The following GNPTAB variants were observed in gnomAD, a reference collection of about 807,000 sequenced individuals.
GNPTAB encodes N-acetylglucosamine-1-phosphate transferase subunits alpha and beta.
Under a neutral mutation model 136.6 loss-of-function variants are expected in GNPTAB, and 92 were observed. That is an observed-to-expected ratio of 0.67 (90% CI 0.57 to 0.80). The LOEUF is 0.80. Ranked by LOEUF, GNPTAB falls within the 30% of genes least tolerant of loss-of-function variation. The pLI, the probability that GNPTAB is intolerant of heterozygous loss-of-function variation, is 0.00. For missense variants in GNPTAB, 1,343 were observed against 1,501.8 expected, an observed-to-expected ratio of 0.89 and a Z score of 1.75; for synonymous variants, 512 against 535.1, an observed-to-expected ratio of 0.96 and a Z score of 0.60.
intron 11 of GNPTAB, among the ~76,000 whole-genome samples, chr12:101,766,854 C>A (rs1953102764): frequency 6.6e-6 from 1 of 152,156 alleles, no homozygotes; most frequent in Non-Finnish European, 1.5e-5. Context: ...ACAGGGCTTA[C>A]ATTTGCTCAA....
chr12:101,827,816 CTT>C, intron 1 of GNPTAB, among the ~76,000 whole-genome samples: 1 of 152,022 alleles, frequency 6.6e-6, no homozygotes, highest in Non-Finnish European at 1.5e-5. Context: ...AATACAAAAA[CTT>C]AGTCTAGCGT....
intron 1 of GNPTAB, among the ~76,000 whole-genome samples, chr12:101,824,240 T>C (rs1870955874): frequency 6.6e-6 from 1 of 151,588 alleles, no homozygotes; most frequent in South Asian, 2.1e-4. Flanking sequence ...ACTGAACTGG[T>C]AGAACAGAAG....
chr12:101,765,328 A>AT lies in GNPTAB; in HGVS notation c.1613-25dup, dbSNP rs546802775. ...ATCTAGAGGAAAAAACAGAAACATG[A>AT]TTTTTTTTTTAACTGGGCATTTTTC... On this transcript the variant is annotated intron_variant, in intron 12 of 20. Transcript: ENST00000299314. 6,930 of 1,435,622 alleles carry AT rather than the reference A, an allele frequency of 4.8e-3. 17 individuals carry two copies. Among genetic ancestry groups the AT allele is most frequent in the Non-Finnish European group, 5.7e-3 (5,863 of 1,032,274 alleles). The allele number at this position is 1,435,622 out of a possible 1,614,324, so 88.9% of individuals were successfully genotyped here. A position where few individuals can be genotyped will look rare whatever the true frequency, so the allele number is the denominator to read the frequency against.
At chr12:101,778,210 C>A (rs1393407540) in intron 7 of GNPTAB, 1 of 152,182 alleles carries the variant, frequency 6.6e-6, no homozygotes, top group Non-Finnish European at 1.5e-5. Context: ...TGAGAGCAGT[C>A]CGCACTGGTG....
chr12:101,810,306 G>T (rs142878085), intron 1 of GNPTAB, among the ~76,000 whole-genome samples: 1 of 151,608 alleles, frequency 6.6e-6, no homozygotes, highest in Non-Finnish European at 1.5e-5. Context: ...ACTATTTAGG[G>T]GAGAGGGAGT....
intron 7 of GNPTAB, chr12:101,779,240 A>G (rs1953303274): frequency 6.6e-6 from 1 of 152,224 alleles, no homozygotes; most frequent in Non-Finnish European, 1.5e-5. Flanking sequence ...GGCAGAACTC[A>G]AAGAACATTT....
At chr12:101,802,277 T>C (rs568939248) in intron 1 of GNPTAB, among the ~76,000 whole-genome samples, 6 of 152,020 alleles carry the variant, frequency 3.9e-5, no homozygotes, top group African/African-American at 1.2e-4. Context: ...ATTAAACTTA[T>C]TGACAATTCC....
chr12:101,808,029 G>C (rs1870021973), intron 1 of GNPTAB, among the ~76,000 whole-genome samples: 1 of 152,060 alleles, frequency 6.6e-6, no homozygotes, highest in South Asian at 2.1e-4. Flanking sequence ...AGAAAAATAA[G>C]AAATGCGTAG....
intron 19 of GNPTAB, among the ~76,000 whole-genome samples, chr12:101,749,866 A>G (rs1395586010): frequency 6.6e-6 from 1 of 152,238 alleles, no homozygotes; most frequent in Non-Finnish European, 1.5e-5. Context: ...AGAGGGTATG[A>G]ACTGCAGCTG....
At chr12:101,801,212 A>T (rs1325949327) in intron 1 of GNPTAB, among the ~76,000 whole-genome samples, 1 of 136,118 alleles carries the variant, frequency 7.3e-6, no homozygotes, top group Non-Finnish European at 1.5e-5. Context: ...AGCCTAGGTG[A>T]CAGAACGAGA....
chr12:101,749,981 G>A (rs1162218049), intron 19 of GNPTAB, among the ~76,000 whole-genome samples: 2 of 152,188 alleles, frequency 1.3e-5, no homozygotes, highest in Non-Finnish European at 2.9e-5. Context: ...AAACATGTTG[G>A]CCATTTGAAG....
chr12:101,803,120 T>TA (rs1189140994), intron 1 of GNPTAB, among the ~76,000 whole-genome samples: 1 of 152,148 alleles, frequency 6.6e-6, no homozygotes, highest in Non-Finnish European at 1.5e-5. Context: ...ACTGGCACTT[T>TA]AACATGCCAA....
At position 101,790,042 on chromosome 12, in the gene GNPTAB, C is replaced by T. The variant is rs1173140657; in HGVS notation, c.219G>A (p.Met73Ile). 6.2e-7 allele frequency: 1 copy of T among 1,614,178 alleles called. No individual in the cohort carries two copies. Among genetic ancestry groups the T allele is most frequent in the Non-Finnish European group, 8.5e-7 (1 of 1,180,006 alleles). Residue 73 changes from methionine to isoleucine, a missense_variant, in exon 3 of 21, where the codon ATG becomes ATA. Physicochemically the swap from Met to Ile is conservative, Grantham distance 10. Coordinates refer to ENST00000299314, the MANE Select transcript of GNPTAB (RefSeq NM_024312.5). ...KSFQNRLCLP[M>I]PIDVVYTWVN... is the part of the protein sequence containing the mutation. ...CCCAGGTGTAAACAACGTCAATCGG[C>T]ATGGGCAGACAAAGCCTAGGGCAAA...
At chr12:101,830,533 G>A in intron 1 of GNPTAB, 26 bp downstream of exon 1, 1 of 1,417,004 alleles carries the variant, frequency 7.1e-7, no homozygotes, top group Non-Finnish European at 1.0e-6. Context: ...GAGGCGCCCG[G>A]TCCAGGCTGC....
chr12:101,754,286 G>A (rs539654646), intron 18 of GNPTAB, among the ~76,000 whole-genome samples: 11 of 151,814 alleles, frequency 7.2e-5, no homozygotes, highest in South Asian at 2.1e-4. Context: ...AAAATTAGCC[G>A]GGTGTGGTGG....
At chr12:101,753,319 AT>A in intron 19 of GNPTAB, 52 bp downstream of exon 19, 1 of 1,246,120 alleles carries the variant, frequency 8.0e-7, no homozygotes, top group Non-Finnish European at 1.2e-6. Context: ...ATAGATACAT[AT>A]GCATGTATAC....
At chr12:101,770,273 G>A in intron 9 of GNPTAB, 82 bp from the exon 10 acceptor site, 1 of 1,470,434 alleles carries the variant, frequency 6.8e-7, no homozygotes, top group Non-Finnish European at 9.5e-7. Flanking sequence ...AGGAAGGGAA[G>A]GCAATGAAGA....
At chr12:101,794,429 G>A (rs977514097) in intron 2 of GNPTAB, among the ~76,000 whole-genome samples, 20 of 151,904 alleles carry the variant, frequency 1.3e-4, no homozygotes, top group African/African-American at 4.1e-4. Flanking sequence ...TAAGAGGATC[G>A]CTTGAAGTCA....
chr12:101,760,270 T>G (rs1434404828), intron 15 of GNPTAB, 127 bp from the exon 16 acceptor site: 1 of 681,808 alleles, frequency 1.5e-6, no homozygotes, highest in Non-Finnish European at 2.6e-6. Context: ...AGTCTGACTA[T>G]ATGATTCTTA....
Sources: gnomAD v4.1 joint callset for allele counts (sites outside exome capture counted in the v4.1 genomes callset) on GRCh38, gnomAD v4.1.1 for gene constraint, MANE v1.5 for transcripts, NCBI Gene and HGNC (gene_info 2026-07-23, HGNC 2026-07-21) for gene names.